The following MYO5A variants were observed in gnomAD, a reference collection of about 807,000 sequenced individuals.
MYO5A encodes the protein myosin VA, also known as unconventional myosin-Va.
MYO5A carries 98 observed loss-of-function variants against 249.7 expected under a neutral mutation model. The ratio of observed to expected loss-of-function variants is 0.39; its 90% CI spans 0.33 to 0.46. The LOEUF is 0.46. Ranked by LOEUF, MYO5A falls within the 20% of genes least tolerant of loss-of-function variation. The pLI is 0.98. For synonymous variants in MYO5A, 778 were observed against 810.6 expected (o/e 0.96, Z 0.68); for missense variants, 1,696 against 2,308.8 (o/e 0.73, Z 5.44).
chr15:52,352,822 T>G (rs999854301), intron 27 of MYO5A, among the ~76,000 whole-genome samples: 1 of 152,084 alleles, frequency 6.6e-6, no homozygotes, highest in Non-Finnish European at 1.5e-5. Context: ...CTATTTAAAG[T>G]CCTTCTTTTT....
At chr15:52,394,952 A>G (rs1042001573) in intron 11 of MYO5A, among the ~76,000 whole-genome samples, 1 of 152,226 alleles carries the variant, frequency 6.6e-6, no homozygotes, top group African/African-American at 2.4e-5. Context: ...AAGTTTTAAG[A>G]TCACTTCTAC....
intron 36 of MYO5A, among the ~76,000 whole-genome samples, chr15:52,327,127 T>A (rs141269441): frequency 4.1e-4 from 63 of 152,350 alleles, no homozygotes; most frequent in African/African-American, 1.4e-3. Flanking sequence ...AAAATTGTAA[T>A]GTTTTATCAG....
chr15:52,360,173 T>C, intron 24 of MYO5A, 92 bp from the exon 25 acceptor site: 2 of 848,344 alleles, frequency 2.4e-6, no homozygotes, highest in Non-Finnish European at 2.0e-6. Flanking sequence ...TTCTTATCCC[T>C]ACTTCCTGAC....
chr15:52,370,445 A>C, intron 21 of MYO5A, 28 bp from the exon 22 acceptor site: 1 of 1,582,580 alleles, frequency 6.3e-7, no homozygotes, highest in African/African-American at 1.3e-5. Flanking sequence ...AGTAACAATA[A>C]GTAAATACAC....
intron 20 of MYO5A, among the ~76,000 whole-genome samples, chr15:52,373,861 C>A (rs2041259628): frequency 1.3e-5 from 2 of 152,128 alleles, no homozygotes; most frequent in South Asian, 4.1e-4. Flanking sequence ...GCAGAAAGAT[C>A]TGGAGTAGCT....
intron 18 of MYO5A, among the ~76,000 whole-genome samples, chr15:52,378,628 T>C (rs1275204767): frequency 8.0e-5 from 12 of 149,138 alleles, no homozygotes; most frequent in Non-Finnish European, 1.6e-4. Context: ...AAAAATATTA[T>C]TAACAAAAAA....
intron 1 of MYO5A, among the ~76,000 whole-genome samples, chr15:52,464,916 T>C (rs538697613): frequency 6.6e-6 from 1 of 152,368 alleles, no homozygotes; most frequent in South Asian, 2.1e-4. Context: ...ATTTAGCCTG[T>C]AGACAGGATT....
chr15:52,370,528 T>C (rs1442838659), intron 21 of MYO5A, 111 bp from the exon 22 acceptor site: 1 of 1,212,394 alleles, frequency 8.2e-7, no homozygotes, highest in African/African-American at 1.5e-5. Context: ...ATAACATTGA[T>C]ATAGTATCCA....
At chr15:52,459,147 A>ATTT (rs531798708) in intron 1 of MYO5A, among the ~76,000 whole-genome samples, 18 of 64,288 alleles carry the variant, frequency 2.8e-4, no homozygotes, top group African/African-American at 7.5e-4. Context: ...TTTTCCAGAA[A>ATTT]TTTTTTTTTT....
chr15:52,373,100 A>C (rs2041215855), intron 20 of MYO5A, among the ~76,000 whole-genome samples: 1 of 152,162 alleles, frequency 6.6e-6, no homozygotes, highest in Non-Finnish European at 1.5e-5. Context: ...ATGGGGCTTT[A>C]AAATGAAAGG....
At position 52,376,334 on chromosome 15, in the gene MYO5A, C is replaced by A; in HGVS notation, c.2420+13G>T. The A allele has an allele frequency of 1.2e-6, 2 of 1,613,210 alleles. No individual in the cohort carries two copies. The highest frequency in any genetic ancestry group is 8.5e-7 in the Non-Finnish European group (1 of 1,179,784). Reference sequence around the variant, plus strand: ...ATTAGATGGGCACTCTACTCTGTCCCCAGGAGACCTACCATCGGGCCTGGT... The same window carrying A: ...ATTAGATGGGCACTCTACTCTGTCCACAGGAGACCTACCATCGGGCCTGGT... On this transcript the variant is annotated intron_variant, in intron 19 of 41. Coordinates refer to ENST00000399233, the MANE Select transcript of MYO5A (RefSeq NM_001382347.1).
At chr15:52,432,484 C>G (rs1455975449) in intron 2 of MYO5A, among the ~76,000 whole-genome samples, 1 of 152,242 alleles carries the variant, frequency 6.6e-6, no homozygotes, top group Non-Finnish European at 1.5e-5. Context: ...TTAGAGTCAT[C>G]TGTGTTCAAA....
At chr15:52,517,046 A>C (rs2077510186) in intron 1 of MYO5A, among the ~76,000 whole-genome samples, 1 of 152,268 alleles carries the variant, frequency 6.6e-6, no homozygotes, top group African/African-American at 2.4e-5. Context: ...TTTTGAAATG[A>C]ACTTATATGT....
rs531943467 is a variant in MYO5A, at chr15:52,528,833, C to A, written c.-27G>T. On this transcript the variant is annotated 5_prime_UTR_variant, in exon 1 of 42. Coordinates refer to ENST00000399233, the MANE Select transcript of MYO5A (RefSeq NM_001382347.1). The stretch of plus-strand genomic sequence containing the variant: ...GCGGGCCCCGCGCGCCTACGCCCCC[C>A]GCCTGTGCGGAGGCCGCACCTCGCC... The A allele has an allele frequency of 8.1e-5, 120 of 1,473,618 alleles. No homozygotes were observed. The highest frequency in any genetic ancestry group is 9.9e-5 in the Non-Finnish European group (111 of 1,117,332). The allele number at this position is 1,473,618 out of a possible 1,614,324, so 91.3% of individuals were successfully genotyped here.
rs1596254459 is a variant in MYO5A at position 52,309,980 on chromosome 15, TATA to T, written c.*3713_*3715del. 6.6e-6 allele frequency: 1 copy of T among 152,184 alleles called. No individual in the cohort carries two copies. Among genetic ancestry groups the T allele is most frequent in the African/African-American group, 2.4e-5 (1 of 41,444 alleles). 9.4% of individuals were successfully genotyped at this position (152,184 alleles called of 1,614,324 possible). ...CTCACAACAATCACTGCACTGAAAT[TATA>T]ATAATATAGTATTTTCATAGCCTCC... On this transcript the variant is annotated 3_prime_UTR_variant, in exon 42 of 42. Transcript: ENST00000399233.
intron 33 of MYO5A, among the ~76,000 whole-genome samples, chr15:52,337,489 T>G (rs182188144): frequency 1.3e-5 from 2 of 152,390 alleles, no homozygotes; most frequent in East Asian, 3.9e-4. Flanking sequence ...ATTTAGCTAC[T>G]AGGCCAACCA....
At chr15:52,368,419 A>T (rs537811873) in intron 22 of MYO5A, among the ~76,000 whole-genome samples, 1 of 152,262 alleles carries the variant, frequency 6.6e-6, no homozygotes, top group South Asian at 2.1e-4. Context: ...ACACTCCCAG[A>T]GTCTGGATAG....
intron 9 of MYO5A, among the ~76,000 whole-genome samples, chr15:52,404,622 A>G (rs1382255196): frequency 6.6e-6 from 1 of 152,208 alleles, no homozygotes; most frequent in Non-Finnish European, 1.5e-5. Context: ...TTGAGCTACA[A>G]TAAAGGAAAG....
chr15:52,426,200 C>T (rs949329817), intron 3 of MYO5A, among the ~76,000 whole-genome samples: 8 of 152,098 alleles, frequency 5.3e-5, no homozygotes, highest in Non-Finnish European at 7.4e-5. Flanking sequence ...GACTAGGTGG[C>T]TTAAAATAAT....
Sources: allele counts gnomAD v4.1 joint callset (sites outside exome capture counted in the v4.1 genomes callset), GRCh38; gene constraint gnomAD v4.1.1; transcripts MANE v1.5; gene names NCBI Gene and HGNC (gene_info 2026-07-23, HGNC 2026-07-21).